Variants in RALY observed in about 807,000 individuals in gnomAD.
RALY encodes the protein RNA-binding protein Raly.
RALY carries 15 observed loss-of-function variants against 30.7 expected under a neutral mutation model. The observed-to-expected ratio is 0.49, with a 90% CI of 0.33 to 0.75. RALY has a LOEUF of 0.75. Ranked by LOEUF, RALY falls within the 30% of genes least tolerant of loss-of-function variation. The pLI, the probability that RALY is intolerant of heterozygous loss-of-function variation, is 0.02. For synonymous variants in RALY, 177 were observed against 170.8 expected (o/e 1.04, Z -0.28); for missense variants, 339 against 414.3 (o/e 0.82, Z 1.58).
intron 1 of RALY, among the ~76,000 whole-genome samples, chr20:34,026,334 G>A (rs1435575849): frequency 2.0e-5 from 3 of 151,754 alleles, no homozygotes; most frequent in African/African-American, 4.8e-5. Context: ...TTCTGGTATC[G>A]GAAGGAAAAA....
At chr20:34,051,565 G>A (rs1472241661) in intron 2 of RALY, among the ~76,000 whole-genome samples, 2 of 152,128 alleles carry the variant, frequency 1.3e-5, no homozygotes, top group Non-Finnish European at 2.9e-5. Context: ...AGCGTTTTCA[G>A]TATATTGCAC....
In RALY at chr20:34,062,638, T is replaced by G. The variant is rs73259644; in HGVS notation, c.-9-9428T>G. On this transcript the variant is annotated intron_variant, in intron 2 of 9. Transcript: ENST00000246194. ...TGAGCTCCATCGGGGTTTCCAGTAA[T>G]TGGAACATGGCACCTTCCAACTTGT... is the stretch of plus-strand genomic sequence containing the variant. 7.0e-3 allele frequency among the ~76,000 whole-genome samples: 1,069 copies of G among 152,324 alleles called. 15 individuals are homozygous for G. The highest frequency in any genetic ancestry group is 0.024 in the African/African-American group (990 of 41,572).
In RALY at chr20:34,083,526, T is replaced by C. The variant is rs756575550; in HGVS notation, c.*3621T>C. 1 of 152,242 alleles carries C rather than the reference T, an allele frequency of 6.6e-6. No individual in the cohort carries two copies. The highest frequency in any genetic ancestry group is 2.4e-5 in the African/African-American group (1 of 41,466). 9.4% of individuals were successfully genotyped at this position (152,242 alleles called of 1,614,324 possible). On this transcript the variant is annotated 3_prime_UTR_variant, in exon 10 of 10. Coordinates refer to ENST00000246194, the MANE Select transcript of RALY (RefSeq NM_016732.3). ...TCTTAACAGGAGGAGCTTCAAAATATGGCCATATTTAAAAAATCTACCTCA... is the reference window on the plus strand; with the variant it reads ...TCTTAACAGGAGGAGCTTCAAAATACGGCCATATTTAAAAAATCTACCTCA...
intron 2 of RALY, among the ~76,000 whole-genome samples, chr20:34,045,383 G>A (rs1005653216): frequency 6.6e-6 from 1 of 152,188 alleles, no homozygotes; most frequent in African/African-American, 2.4e-5. Flanking sequence ...AGGTGAAAAG[G>A]CCCTGATGCA....
At chr20:34,024,006 C>A (rs530957210) in intron 1 of RALY, among the ~76,000 whole-genome samples, 1 of 152,076 alleles carries the variant, frequency 6.6e-6, no homozygotes, top group African/African-American at 2.4e-5. Context: ...GAGTTCGAGA[C>A]CAGCCTGGCC....
Position 34,082,173 on chromosome 20 carries a change from A to G in RALY, c.*2268A>G, listed in dbSNP as rs994860404. On this transcript the variant is annotated 3_prime_UTR_variant, in exon 10 of 10. Coordinates refer to ENST00000246194, the MANE Select transcript of RALY (RefSeq NM_016732.3). ...ACATACTTCACCCATCCATGTACCC[A>G]CATCTTTCCTTGCCCAGAAGGCGAG... 3 of 152,334 alleles carry G rather than the reference A, an allele frequency of 2.0e-5. No individual in the cohort carries two copies. Among genetic ancestry groups the G allele is most frequent in the African/African-American group, 7.2e-5 (3 of 41,462 alleles). 9.4% of individuals were successfully genotyped at this position (152,334 alleles called of 1,614,324 possible). A position where few individuals can be genotyped will look rare whatever the true frequency, so the allele number is the denominator to read the frequency against.
At chr20:34,014,950 C>CA (rs975919948) in intron 1 of RALY, 1 of 151,740 alleles carries the variant, frequency 6.6e-6, no homozygotes, top group Admixed American at 6.6e-5. Flanking sequence ...TTTTCAAAGT[C>CA]AAAAAAAGAA....
rs141482034 is a variant in RALY, at chr20:34,041,153, T to A, written c.-10+9549T>A. On this transcript the variant is annotated intron_variant, in intron 2 of 9. Coordinates refer to ENST00000246194, the MANE Select transcript of RALY (RefSeq NM_016732.3). ...AAAGTATATTTGTCCTTTTCAAAGTTGAATAGAGAGAGTATTTCAAGCAAT... is the reference window on the plus strand; with the variant it reads ...AAAGTATATTTGTCCTTTTCAAAGTAGAATAGAGAGAGTATTTCAAGCAAT... Among the ~76,000 whole-genome samples, 57 of 152,234 alleles carry A rather than the reference T, an allele frequency of 3.7e-4. 1 individual carries two copies. The highest frequency in any genetic ancestry group is 1.3e-3 in the African/African-American group (54 of 41,530).
intron 1 of RALY, among the ~76,000 whole-genome samples, chr20:34,008,996 T>G (rs2031284765): frequency 6.6e-6 from 1 of 152,122 alleles, no homozygotes; most frequent in South Asian, 2.1e-4. Flanking sequence ...CTGGGGAGAT[T>G]AGGACTGCCT....
At chr20:34,014,247 G>A (rs990739106) in intron 1 of RALY, among the ~76,000 whole-genome samples, 11 of 152,116 alleles carry the variant, frequency 7.2e-5, no homozygotes, top group African/African-American at 1.7e-4. Flanking sequence ...TAAAGGACGC[G>A]TATGTAGGGC....
At chr20:34,003,891 C>G (rs553048039) in intron 1 of RALY, among the ~76,000 whole-genome samples, 19 of 152,134 alleles carry the variant, frequency 1.2e-4, no homozygotes, top group East Asian at 3.9e-4. Context: ...CGCCCGCCTC[C>G]GCCTCCCAAA....
intron 2 of RALY, among the ~76,000 whole-genome samples, chr20:34,055,348 G>T (rs760271409): frequency 6.6e-6 from 1 of 152,150 alleles, no homozygotes; most frequent in South Asian, 2.1e-4. Flanking sequence ...TTGGGCTGTT[G>T]CAAAGATACT....
At chr20:34,024,033 G>A (rs908641159) in intron 1 of RALY, among the ~76,000 whole-genome samples, 2 of 152,042 alleles carry the variant, frequency 1.3e-5, no homozygotes, top group Admixed American at 6.5e-5. Flanking sequence ...GTCTGAGTGA[G>A]GTGAGAGGTG....
intron 2 of RALY, among the ~76,000 whole-genome samples, chr20:34,047,902 C>A (rs575298921): frequency 1.3e-5 from 2 of 152,164 alleles, no homozygotes; most frequent in East Asian, 1.9e-4. Flanking sequence ...AACCCCCAAC[C>A]CCACCTTTGC....
chr20:34,019,070 CCCA>C (rs2031716864), intron 1 of RALY, among the ~76,000 whole-genome samples: 1 of 152,132 alleles, frequency 6.6e-6, no homozygotes, highest in South Asian at 2.1e-4. Context: ...CGCCTGTAAT[CCCA>C]CCACTTCAGG....
rs1163167128 is a variant in RALY at position 34,075,919 on chromosome 20, G to A, written c.423G>A (p.Arg141=). Residue 141 remains arginine (R), a synonymous_variant, in exon 6 of 10, where the codon AGG becomes AGA. Coordinates refer to ENST00000246194, the MANE Select transcript of RALY (RefSeq NM_016732.3). ...GTCTGTCGCCCGTGCCAGTGCCCAG[G>A]GCGGTCCCTGTGAAGCGACCCCGGG... ...RGRLSPVPVP[R]AVPVKRPRVT... The A allele has an allele frequency of 1.2e-6, 2 of 1,614,166 alleles. No homozygotes were observed. The highest frequency in any genetic ancestry group is 4.5e-5 in the East Asian group (2 of 44,876).
chr20:34,079,365 C>T (rs921794792), intron 9 of RALY, among the ~76,000 whole-genome samples: 1 of 152,204 alleles, frequency 6.6e-6, no homozygotes, highest in African/African-American at 2.4e-5. Context: ...TTACCATCTA[C>T]TCTGCCCTAC....
In RALY at chr20:34,084,368, C is replaced by G. The variant is rs1443166090; in HGVS notation, c.*4463C>G. The G allele has an allele frequency of 6.6e-6, 1 of 152,238 alleles. No homozygotes were observed. The highest frequency in any genetic ancestry group is 2.4e-5 in the African/African-American group (1 of 41,448). The allele number at this position is 152,238 out of a possible 1,614,324, so 9.4% of individuals were successfully genotyped here. A position where few individuals can be genotyped will look rare whatever the true frequency, so the allele number is the denominator to read the frequency against. On this transcript the variant is annotated 3_prime_UTR_variant, in exon 10 of 10. Transcript: ENST00000246194. ...GGGCAGGTTCCAAGAAGTGGTAGAG[C>G]ATGGCCATAGGGCCTGTGAGAATAG...
intron 2 of RALY, among the ~76,000 whole-genome samples, chr20:34,043,848 TGAA>T (rs1488810105): frequency 2.0e-5 from 3 of 152,070 alleles, no homozygotes; most frequent in South Asian, 2.1e-4. Flanking sequence ...CTGTAGTTGA[TGAA>T]GAAGGACAGG....
Sources: allele counts gnomAD v4.1 joint callset (sites outside exome capture counted in the v4.1 genomes callset), GRCh38; gene constraint gnomAD v4.1.1; transcripts MANE v1.5; gene names NCBI Gene and HGNC (gene_info 2026-07-23, HGNC 2026-07-21).